The following OPRM1 variants were observed in gnomAD, a reference collection of about 807,000 sequenced individuals.
The protein encoded by OPRM1 is mu-type opioid receptor.
Under a neutral mutation model 31.8 loss-of-function variants are expected in OPRM1, and 27 were observed. The observed-to-expected ratio is 0.85, with a 90% CI of 0.63 to 1.17. The LOEUF is 1.17. OPRM1 is among the 50% of genes most tolerant of loss of function. The pLI is 0.00. For synonymous variants in OPRM1, 196 were observed against 189.9 expected (o/e 1.03, Z -0.26); for missense variants, 536 against 511.1 (o/e 1.05, Z -0.47).
intron 3 of OPRM1, among the ~76,000 whole-genome samples, chr6:154,117,930 C>T (rs1471685245): frequency 6.6e-6 from 1 of 151,130 alleles, no homozygotes; most frequent in African/African-American, 2.4e-5. Context: ...TGGCAAAGCA[C>T]ATGGATAAAG....
chr6:154,047,255 T>C (rs1408406346), intron 1 of OPRM1, among the ~76,000 whole-genome samples: 1 of 129,468 alleles, frequency 7.7e-6, no homozygotes, highest in Non-Finnish European at 1.6e-5. Flanking sequence ...GGAAAAGTCA[T>C]CTTCTTACTG....
intron 3 of OPRM1, chr6:154,213,095 G>A (rs988898418): frequency 4.8e-5 from 23 of 480,282 alleles, no homozygotes; most frequent in Non-Finnish European, 7.9e-5. Flanking sequence ...AAGACAAATC[G>A]TAGCTTGGGG....
Position 154,207,457 on chromosome 6 carries a change from T to A in OPRM1, c.1165-39236T>A, listed in dbSNP as rs116486795. 5.9e-3 allele frequency among the ~76,000 whole-genome samples: 901 copies of A among 152,378 alleles called. 11 individuals carry two copies. Among genetic ancestry groups the A allele is most frequent in the African/African-American group, 0.021 (874 of 41,586 alleles). On this transcript the variant is annotated intron_variant, in intron 3 of 3. Coordinates refer to the OPRM1 transcript ENST00000337049. ...TTCATTTAGTACAGATATTGAATAA[T>A]CAAATGACTTTGGTAGACAACTGTT...
In OPRM1 at chr6:154,124,504, A is replaced by G. The variant is rs1433570219; in HGVS notation, c.*5783A>G. On this transcript the variant is annotated 3_prime_UTR_variant, in exon 4 of 4. Transcript: ENST00000330432. ...GGGGTGGGATGTTAGAGCTCTAGACATTAATTCCTAGGAATCGCATACCTA... is the reference window on the plus strand; with the variant it reads ...GGGGTGGGATGTTAGAGCTCTAGACGTTAATTCCTAGGAATCGCATACCTA... 6.6e-6 allele frequency among the ~76,000 whole-genome samples: 1 copy of G among 152,198 alleles called. No homozygotes were observed. Among genetic ancestry groups the G allele is most frequent in the Non-Finnish European group, 1.5e-5 (1 of 68,032 alleles).
Position 154,132,262 on chromosome 6 carries a change from C to G in OPRM1, c.*13541C>G, listed in dbSNP as rs892905542. 1.3e-5 allele frequency among the ~76,000 whole-genome samples: 2 copies of G among 152,140 alleles called. No individual in the cohort carries two copies. Among genetic ancestry groups the G allele is most frequent in the Admixed American group, 6.5e-5 (1 of 15,278 alleles). On this transcript the variant is annotated 3_prime_UTR_variant, in exon 4 of 4. Transcript: ENST00000330432. Reference sequence around the variant, plus strand: ...CATTGTATTGTTCTTGATGTACCAGCATACATAAACATATTAGGCTGTATT... The same window carrying G: ...CATTGTATTGTTCTTGATGTACCAGGATACATAAACATATTAGGCTGTATT...
chr6:154,010,656 G>C, exon 1 of OPRM1: 1 of 1,483,560 alleles, frequency 6.7e-7, no homozygotes, highest in Non-Finnish European at 9.0e-7. Context: ...AAAACTCACT[G>C]GAAGATAGGA....
At chr6:154,078,886 G>GA (rs17181150) in intron 1 of OPRM1, among the ~76,000 whole-genome samples, 31,218 of 151,754 alleles carry the variant, frequency 0.21, 3,749 homozygotes, top group African/African-American at 0.34. Flanking sequence ...TCAGGAGGGG[G>GA]AAAAAAAATC....
At chr6:154,234,493 C>T (rs1779961495) in intron 3 of OPRM1, among the ~76,000 whole-genome samples, 1 of 152,232 alleles carries the variant, frequency 6.6e-6, no homozygotes, top group South Asian at 2.1e-4. Context: ...ATGCTATTCC[C>T]CTTGCAGAAA....
At chr6:154,234,658 TG>T (rs1293314027) in intron 3 of OPRM1, among the ~76,000 whole-genome samples, 2 of 152,222 alleles carry the variant, frequency 1.3e-5, no homozygotes, top group Admixed American at 6.5e-5. Flanking sequence ...TTCTATGCTT[TG>T]TAAGTCACCT....
At chr6:154,087,488 C>A in intron 1 of OPRM1, 2 of 985,476 alleles carry the variant, frequency 2.0e-6, no homozygotes, top group Non-Finnish European at 2.4e-6. Flanking sequence ...GTGTGGGGTT[C>A]TCTCTCACGC....
chr6:154,119,097 C>T lies in OPRM1; in HGVS notation c.*376C>T, dbSNP rs1187535416. ...AAGAACCATCTTTTGTTAAGTTCAC[C>T]GTAGTAACACATAAAGTAAATGCTA... On this transcript the variant is annotated 3_prime_UTR_variant, in exon 4 of 4. Transcript: ENST00000330432. 5.0e-6 allele frequency: 5 copies of T among 1,006,856 alleles called. No individual in the cohort carries two copies. The African/African-American group carries it at 6.9e-5, about 14-fold the overall frequency. 62.4% of individuals were successfully genotyped at this position (1,006,856 alleles called of 1,614,324 possible).
rs74773320 is a variant in OPRM1 at position 154,056,623 on chromosome 6, A to G, written c.290+16789A>G. On this transcript the variant is annotated intron_variant, in intron 1 of 3. Transcript: ENST00000330432. ...GAATCTTACGGTGCCCTTGAAAACT[A>G]AGACTCTTCCAAGTACAGAAGCTGT... Among the ~76,000 whole-genome samples the G allele has an allele frequency of 1.5e-4, 23 of 151,860 alleles. No homozygotes were observed. In the East Asian group the frequency reaches 4.5e-3, roughly 30 times the overall value.
intron 1 of OPRM1, among the ~76,000 whole-genome samples, chr6:154,060,025 G>A (rs540677800): frequency 1.8e-4 from 28 of 152,204 alleles, no homozygotes; most frequent in African/African-American, 4.3e-4. Flanking sequence ...ATTTATTGCC[G>A]CAAGGAATCC....
At chr6:154,151,400 C>A (rs899949961) in intron 3 of OPRM1, among the ~76,000 whole-genome samples, 6 of 152,184 alleles carry the variant, frequency 3.9e-5, no homozygotes. Context: ...AGAATTGCTT[C>A]CATTTTGAGA....
chr6:154,072,357 T>C (rs553314962), intron 1 of OPRM1, among the ~76,000 whole-genome samples: 1 of 152,282 alleles, frequency 6.6e-6, no homozygotes, highest in South Asian at 2.1e-4. Flanking sequence ...ATAAAACAGA[T>C]ACTACTACTA....
intron 3 of OPRM1, among the ~76,000 whole-genome samples, chr6:154,238,569 C>G (rs1338294740): frequency 6.6e-6 from 1 of 152,088 alleles, no homozygotes; most frequent in African/African-American, 2.4e-5. Context: ...CCCGGCCAAG[C>G]CTGTATGATC....
intron 1 of OPRM1, among the ~76,000 whole-genome samples, chr6:154,054,969 C>A (rs1362233594): frequency 1.3e-5 from 2 of 152,224 alleles, no homozygotes; most frequent in Non-Finnish European, 2.9e-5. Flanking sequence ...AGACACCTAA[C>A]CTACTTGAAT....
intron 1 of OPRM1, among the ~76,000 whole-genome samples, chr6:154,061,847 G>A (rs1784495351): frequency 6.6e-6 from 1 of 151,298 alleles, no homozygotes; most frequent in Non-Finnish European, 1.5e-5. Flanking sequence ...AAGGTGTTAA[G>A]GAAATGTATG....
chr6:154,024,678 G>T lies in OPRM1; in HGVS notation c.-1+13660G>T, dbSNP rs575640913. The stretch of plus-strand genomic sequence containing the variant: ...TTTTTTTTAATGTAGGCACTTAATA[G>T]CTACAGACTTCCCTCTTAGTACTGC... On this transcript the variant is annotated intron_variant, in intron 1 of 5. Transcript: ENST00000434900. Among the ~76,000 whole-genome samples the T allele has an allele frequency of 2.7e-5, 4 of 150,372 alleles. No individual in the cohort carries two copies. The East Asian group carries it at 7.8e-4, about 29-fold the overall frequency.
Sources: allele counts gnomAD v4.1 joint callset (sites outside exome capture counted in the v4.1 genomes callset), GRCh38; gene constraint gnomAD v4.1.1; transcripts MANE v1.5; gene names NCBI Gene and HGNC (gene_info 2026-07-23, HGNC 2026-07-21).